The following RGS6 variants were observed in gnomAD, a reference collection of about 807,000 sequenced individuals.
RGS6 encodes the protein regulator of G-protein signaling 6.
Under a neutral mutation model 78.5 loss-of-function variants are expected in RGS6, and 30 were observed. That is an observed-to-expected ratio of 0.38 (90% CI 0.29 to 0.52). RGS6 has a LOEUF of 0.52. Among genes scored for constraint, RGS6 ranks in the 20% least tolerant of loss-of-function variants. RGS6 has a pLI of 0.85. For synonymous variants in RGS6, 206 were observed against 206.0 expected (o/e 1.00, Z 0.00); for missense variants, 495 against 609.7 (o/e 0.81, Z 1.98).
chr14:72,102,312 A>T (rs1215960197), intron 2 of RGS6, among the ~76,000 whole-genome samples: 1 of 152,318 alleles, frequency 6.6e-6, no homozygotes, highest in East Asian at 1.9e-4. Context: ...ACCAAAATAC[A>T]TTTACATAAA....
Position 72,476,854 on chromosome 14 carries a change from C to A in RGS6, c.792+14C>A. 6.2e-7 allele frequency: 1 copy of A among 1,605,276 alleles called. No individual in the cohort carries two copies. The highest frequency in any genetic ancestry group is 8.5e-7 in the Non-Finnish European group (1 of 1,171,910). On this transcript the variant is annotated intron_variant, in intron 11 of 17. Coordinates refer to ENST00000553525, the MANE Select transcript of RGS6 (RefSeq NM_001204424.2). ...ATCCGGAAACAGGTGAATGAATTGA[C>A]AGCTTGCACTCTCAGGAGGAGACGT... is the stretch of plus-strand genomic sequence containing the variant.
intron 2 of RGS6, among the ~76,000 whole-genome samples, chr14:72,119,933 A>C (rs958842474): frequency 4.6e-5 from 7 of 152,196 alleles, no homozygotes; most frequent in African/African-American, 1.7e-4. Context: ...GCCTGGGCAA[A>C]GGTGAGGAGT....
chr14:72,511,304 G>T (rs1270018991), intron 14 of RGS6, among the ~76,000 whole-genome samples: 2 of 152,152 alleles, frequency 1.3e-5, no homozygotes, highest in Non-Finnish European at 2.9e-5. Context: ...AGCATGTGCT[G>T]CGGGCAAAGG....
chr14:72,550,490 G>A (rs1379080076), intron 17 of RGS6: 1 of 1,535,674 alleles, frequency 6.5e-7, no homozygotes, highest in Non-Finnish European at 8.7e-7. Flanking sequence ...CCGAAAGCCT[G>A]GCCTTAACAT....
At chr14:72,302,712 A>G (rs1416531422) in intron 2 of RGS6, among the ~76,000 whole-genome samples, 1 of 152,136 alleles carries the variant, frequency 6.6e-6, no homozygotes, top group African/African-American at 2.4e-5. Context: ...ACACGGACAC[A>G]TAACACACAG....
At chr14:72,300,635 G>A (rs901525098) in intron 2 of RGS6, among the ~76,000 whole-genome samples, 1 of 152,160 alleles carries the variant, frequency 6.6e-6, no homozygotes, top group African/African-American at 2.4e-5. Context: ...GTCTCGAAAT[G>A]GCATTTCAAT....
chr14:72,041,356 A>C, intron 2 of RGS6, among the ~76,000 whole-genome samples: 1 of 152,146 alleles, frequency 6.6e-6, no homozygotes, highest in East Asian at 1.9e-4. Flanking sequence ...TTTCTTTTTC[A>C]ACAGTTTGTG....
At chr14:72,307,775 T>C (rs2067592148) in intron 2 of RGS6, among the ~76,000 whole-genome samples, 1 of 152,338 alleles carries the variant, frequency 6.6e-6, no homozygotes, top group East Asian at 1.9e-4. Context: ...ATTGCTGTTT[T>C]TGGATTCTTG....
At chr14:72,596,542 G>A in the RGS6 span, among the ~76,000 whole-genome samples, 1 of 152,162 alleles carries the variant, frequency 6.6e-6, no homozygotes, top group South Asian at 2.1e-4. Flanking sequence ...CAGCAGACAG[G>A]AGGTACTGAA....
chr14:71,928,829 G>T (rs2087758567), upstream of RGS6, among the ~76,000 whole-genome samples: 1 of 152,090 alleles, frequency 6.6e-6, no homozygotes, highest in African/African-American at 2.4e-5. Flanking sequence ...TCACATTATT[G>T]TATATATTCA....
chr14:71,993,047 A>G (rs1394432870), intron 2 of RGS6, among the ~76,000 whole-genome samples: 1 of 152,170 alleles, frequency 6.6e-6, no homozygotes, highest in African/African-American at 2.4e-5. Flanking sequence ...ATAGCCTTTT[A>G]CTTTAAGGAG....
intron 2 of RGS6, among the ~76,000 whole-genome samples, chr14:72,271,080 G>A (rs1197609569): frequency 6.6e-6 from 1 of 152,194 alleles, no homozygotes; most frequent in Admixed American, 6.5e-5. Context: ...CCATGTGTCT[G>A]AGAGGCCAGA....
At chr14:72,374,279 C>T (rs1392389960) in intron 3 of RGS6, among the ~76,000 whole-genome samples, 1 of 151,616 alleles carries the variant, frequency 6.6e-6, no homozygotes, top group Non-Finnish European at 1.5e-5. Flanking sequence ...GGGATGTTCC[C>T]CTTCCTGTGT....
chr14:72,281,938 C>T (rs1052649298), intron 2 of RGS6, among the ~76,000 whole-genome samples: 6 of 152,088 alleles, frequency 3.9e-5, no homozygotes, highest in Admixed American at 1.3e-4. Context: ...ACAAAGTCAT[C>T]GGAAGATTTT....
chr14:72,088,946 C>T (rs962672829), intron 2 of RGS6, among the ~76,000 whole-genome samples: 4 of 152,248 alleles, frequency 2.6e-5, no homozygotes, highest in Non-Finnish European at 5.9e-5. Flanking sequence ...CTTACATGTT[C>T]TCATTGTTCA....
At chr14:71,875,135 G>C in the RGS6 span, among the ~76,000 whole-genome samples, 1 of 152,152 alleles carries the variant, frequency 6.6e-6, no homozygotes, top group Non-Finnish European at 1.5e-5. Flanking sequence ...CCAGGCTTTG[G>C]TATTAGGATG....
At position 72,331,526 on chromosome 14, in the gene RGS6, T is replaced by G. The variant is rs187232476; in HGVS notation, c.85-20569T>G. On this transcript the variant is annotated intron_variant, in intron 2 of 17. Coordinates refer to ENST00000553525, the MANE Select transcript of RGS6 (RefSeq NM_001204424.2). The stretch of plus-strand genomic sequence containing the variant: ...AGAAAGCCACAGCTGCATCTCCACT[T>G]GGTGTCGGCCGGGAGCTGCCTCACC... 2.9e-4 allele frequency among the ~76,000 whole-genome samples: 44 copies of G among 152,264 alleles called. 1 individual carries two copies. The East Asian group carries it at 6.8e-3, about 23-fold the overall frequency.
chr14:72,017,607 A>G (rs183529015), intron 2 of RGS6, among the ~76,000 whole-genome samples: 7 of 152,304 alleles, frequency 4.6e-5, no homozygotes, highest in African/African-American at 1.7e-4. Context: ...CAGGCTCTTT[A>G]CAGAAAGTTT....
the RGS6 span, among the ~76,000 whole-genome samples, chr14:71,890,629 G>A: frequency 1.3e-5 from 2 of 152,210 alleles, no homozygotes; most frequent in Admixed American, 1.3e-4. Flanking sequence ...TTCTGCCATG[G>A]ATGTTTTATA....
Sources: gnomAD v4.1 joint callset for allele counts (sites outside exome capture counted in the v4.1 genomes callset) on GRCh38, gnomAD v4.1.1 for gene constraint, MANE v1.5 for transcripts, NCBI Gene and HGNC (gene_info 2026-07-23, HGNC 2026-07-21) for gene names.